Variants in MET observed in about 807,000 individuals in gnomAD.
The protein encoded by MET is hepatocyte growth factor receptor.
MET carries 48 observed loss-of-function variants against 133.1 expected under a neutral mutation model. The ratio of observed to expected loss-of-function variants is 0.36; its 90% CI spans 0.29 to 0.46. The LOEUF is 0.46. MET is among the 20% of genes least tolerant of loss of function. MET has a pLI of 1.00. For synonymous variants in MET, 628 were observed against 616.5 expected, an observed-to-expected ratio of 1.02 and a Z score of -0.28; for missense variants, 1,442 against 1,695.9, an observed-to-expected ratio of 0.85 and a Z score of 2.63.
At position 116,675,192 on chromosome 7, in the gene MET, C is replaced by G. The variant is rs142859263; in HGVS notation, c.-15+2615C>G. ...AACTGACACTGAGTTGCTGCTAGAT[C>G]CACATTTGCCTGACCAAAAATAGCT... On this transcript the variant is annotated intron_variant, in intron 1 of 20. Transcript: ENST00000397752. Among the ~76,000 whole-genome samples the G allele has an allele frequency of 1.4e-3, 219 of 152,276 alleles. 1 individual carries two copies. Among genetic ancestry groups the G allele is most frequent in the Non-Finnish European group, 2.2e-3 (153 of 68,012 alleles).
intron 5 of MET, among the ~76,000 whole-genome samples, chr7:116,753,892 G>A (rs1433581161): frequency 6.6e-6 from 1 of 152,168 alleles, no homozygotes; most frequent in Non-Finnish European, 1.5e-5. Context: ...CTTTTCATTT[G>A]TTAGTGCCTG....
intron 1 of MET, among the ~76,000 whole-genome samples, chr7:116,686,930 G>A (rs1220696247): frequency 6.6e-6 from 1 of 152,150 alleles, no homozygotes; most frequent in Non-Finnish European, 1.5e-5. Context: ...AGCTCAAGTA[G>A]TATCCCCTCT....
Position 116,740,787 on chromosome 7 carries a change from A to G in MET, c.1528-65A>G. On this transcript the variant is annotated intron_variant, in intron 4 of 20. Transcript: ENST00000397752. ...ATTTACATGTACCTTTTGTGTACTT[A>G]CTTTATAATTAATTAACAAACTAGA... 4 of 1,581,560 alleles carry G rather than the reference A, an allele frequency of 2.5e-6. No homozygotes were observed. The South Asian group carries it at 3.3e-5, about 13-fold the overall frequency.
At chr7:116,716,636 G>C (rs1368427645) in intron 2 of MET, among the ~76,000 whole-genome samples, 1 of 152,216 alleles carries the variant, frequency 6.6e-6, no homozygotes, top group Non-Finnish European at 1.5e-5. Flanking sequence ...AGCTGGAAGA[G>C]GAAATCAGTT....
At position 116,746,498 on chromosome 7, in the gene MET, C is replaced by T. The variant is rs536169746; in HGVS notation, c.1701+5473C>T. On this transcript the variant is annotated intron_variant, in intron 5 of 20. Transcript: ENST00000397752. ...ATGCACATGTATGTTTATTGCAGCA[C>T]TATTCAGAATAGCAAAGACTTGGAA... Among the ~76,000 whole-genome samples the T allele has an allele frequency of 2.6e-5, 4 of 152,250 alleles. No individual in the cohort carries two copies. The South Asian group carries it at 8.3e-4, about 32-fold the overall frequency.
At chr7:116,687,961 C>T (rs1179630871) in intron 1 of MET, among the ~76,000 whole-genome samples, 1 of 152,188 alleles carries the variant, frequency 6.6e-6, no homozygotes, top group Admixed American at 6.5e-5. Flanking sequence ...CCTCCACAGC[C>T]ATTTGATATC....
At chr7:116,708,861 G>C (rs137929201) in intron 2 of MET, among the ~76,000 whole-genome samples, 1 of 152,068 alleles carries the variant, frequency 6.6e-6, no homozygotes, top group African/African-American at 2.4e-5. Context: ...TAAGTTTTAT[G>C]ACCAAGAGAA....
intron 19 of MET, among the ~76,000 whole-genome samples, chr7:116,783,826 C>A (rs112199560): frequency 2.0e-5 from 3 of 152,176 alleles, no homozygotes; most frequent in Non-Finnish European, 2.9e-5. Context: ...TAGCCCCAGG[C>A]GAGCAAGAAT....
rs80256822 is a variant in MET, at chr7:116,699,227, C to T, written c.143C>T (p.Ala48Val). The T allele has an allele frequency of 5.6e-6, 9 of 1,613,942 alleles. No homozygotes were observed. Among genetic ancestry groups the T allele is most frequent in the South Asian group, 3.3e-5 (3 of 91,082 alleles). The change falls in exon 2 of 21, where the codon GCG becomes GTG. Residue 48 changes from alanine (A) to valine (V), a missense_variant. Ala to Val is a moderately conservative substitution (Grantham distance 64). This residue lies in a region of MET where 762 missense variants were observed against 792.4 expected (regional missense o/e 0.96). Transcript: ENST00000397752. ...AAGTATCAGCTTCCCAACTTCACCG[C>T]GGAAACACCCATCCAGAATGTCATT... Reference protein sequence around the residue: ...NMKYQLPNFTAETPIQNVILH... With the variant: ...NMKYQLPNFTVETPIQNVILH...
intron 5 of MET, among the ~76,000 whole-genome samples, chr7:116,742,390 C>A (rs979399728): frequency 1.3e-5 from 2 of 152,088 alleles, no homozygotes; most frequent in Non-Finnish European, 2.9e-5. Context: ...CTTTTGGAAC[C>A]GTATGCAATT....
Position 116,740,974 on chromosome 7 carries a change from A to G in MET, c.1650A>G (p.Glu550=), listed in dbSNP as rs2116836870. 1 of 1,613,748 alleles carries G rather than the reference A, an allele frequency of 6.2e-7. No individual in the cohort carries two copies. The highest frequency in any genetic ancestry group is 1.1e-5 in the South Asian group (1 of 91,066). The stretch of plus-strand genomic sequence containing the variant: ...ACGACAAATGTGTGCGATCGGAGGA[A>G]TGCCTGAGCGGGACATGGACTCAAC... ...WCHDKCVRSE[E]CLSGTWTQQI... The change falls in exon 5 of 21, where the codon GAA becomes GAG. Residue 550 remains glutamate (E), a synonymous_variant. Transcript: ENST00000397752.
intron 1 of MET, among the ~76,000 whole-genome samples, chr7:116,688,915 A>T (rs895025402): frequency 1.3e-5 from 2 of 152,244 alleles, no homozygotes; most frequent in African/African-American, 2.4e-5. Context: ...CAAAGAAACA[A>T]CATTTGTGTA....
At chr7:116,754,474 A>G (rs749934142) in intron 5 of MET, among the ~76,000 whole-genome samples, 1 of 152,136 alleles carries the variant, frequency 6.6e-6, no homozygotes, top group African/African-American at 2.4e-5. Context: ...TCTGGGCCCA[A>G]CGTGTTTCTA....
At chr7:116,672,704 A>G (rs192519414) in intron 1 of MET, 127 bp downstream of exon 1, 5 of 369,750 alleles carry the variant, frequency 1.4e-5, no homozygotes, top group African/African-American at 4.2e-5. Context: ...GCTAGAGTTT[A>G]GGGGCTTCGG....
intron 19 of MET, among the ~76,000 whole-genome samples, chr7:116,785,407 TG>T (rs543915598): frequency 6.6e-6 from 1 of 151,524 alleles, no homozygotes; most frequent in African/African-American, 2.4e-5. Context: ...CAGGACCAAG[TG>T]GGGGGAGGGG....
chr7:116,678,900 C>T (rs111863186), intron 1 of MET, among the ~76,000 whole-genome samples: 1 of 152,064 alleles, frequency 6.6e-6, no homozygotes, highest in Non-Finnish European at 1.5e-5. Flanking sequence ...TTGTGTAAGG[C>T]CTTTTTGTTC....
chr7:116,703,812 T>G (rs17138945), intron 2 of MET, among the ~76,000 whole-genome samples: 10,946 of 152,184 alleles, frequency 0.072, 554 homozygotes, highest in African/African-American at 0.14. Flanking sequence ...TTATAGAATA[T>G]TTATTAAAAC....
At chr7:116,763,845 ATTG>A (rs1794505758) in intron 11 of MET, among the ~76,000 whole-genome samples, 1 of 152,244 alleles carries the variant, frequency 6.6e-6, no homozygotes. Context: ...AGGTTAAGTG[ATTG>A]ACAAGTGACA....
chr7:116,778,909 A>C lies in MET; in HGVS notation c.3474A>C (p.Pro1158=). 6.2e-7 allele frequency: 1 copy of C among 1,614,052 alleles called. No individual in the cohort carries two copies. Among genetic ancestry groups the C allele is most frequent in the South Asian group, 1.1e-5 (1 of 91,078 alleles). The part of the protein sequence containing the change: ...RSEGSPLVVL[P]YMKHGDLRNF... ...AAGGGTCTCCGCTGGTGGTCCTACC[A>C]TACATGAAACATGGAGATCTTCGAA... is the stretch of plus-strand genomic sequence containing the variant. Residue 1158 remains proline, a synonymous_variant, in exon 17 of 21, where the codon CCA becomes CCC. Coordinates refer to ENST00000397752, the MANE Select transcript of MET (RefSeq NM_000245.4).
Sources: gnomAD v4.1 joint callset for allele counts (sites outside exome capture counted in the v4.1 genomes callset) on GRCh38, gnomAD v4.1.1 for gene constraint, gnomAD v4.1.1 regional missense constraint, MANE v1.5 for transcripts, NCBI Gene and HGNC (gene_info 2026-07-23, HGNC 2026-07-21) for gene names.